Variants in ZNF69 observed in about 807,000 individuals in gnomAD.
The protein encoded by ZNF69 is ZNF3.
ZNF69 carries 47 observed loss-of-function variants against 50.9 expected under a neutral mutation model. That is an observed-to-expected ratio of 0.92 (90% confidence interval 0.73 to 1.18). The LOEUF is 1.18. ZNF69 is among the 50% of genes most tolerant of loss of function. The pLI is 0.00. For missense variants in ZNF69, 717 were observed against 675.1 expected, an observed-to-expected ratio of 1.06 and a Z score of -0.69; for synonymous variants, 216 against 223.1, an observed-to-expected ratio of 0.97 and a Z score of 0.29.
chr19:11,932,946 TA>T, the ZNF69 span, among the ~76,000 whole-genome samples: 1 of 148,584 alleles, frequency 6.7e-6, no homozygotes, highest in Admixed American at 6.6e-5. Flanking sequence ...CAATATGTGA[TA>T]TTTTATATTG....
the ZNF69 span, among the ~76,000 whole-genome samples, chr19:11,922,981 T>TA: frequency 6.6e-6 from 1 of 151,998 alleles, no homozygotes; most frequent in East Asian, 1.9e-4. Flanking sequence ...CCTGGCTAAT[T>TA]AAAAAATAGA....
chr19:11,927,272 T>C, the ZNF69 span, among the ~76,000 whole-genome samples: 12 of 152,092 alleles, frequency 7.9e-5, no homozygotes, highest in South Asian at 2.5e-3. Flanking sequence ...GAGAATCACT[T>C]GAACCCCAGA....
At chr19:11,954,887 A>C in the ZNF69 span, among the ~76,000 whole-genome samples, 5 of 152,072 alleles carry the variant, frequency 3.3e-5, no homozygotes, top group Admixed American at 6.6e-5. Context: ...TGAATTGTAA[A>C]TTGCATTTTC....
At chr19:11,951,465 G>A in the ZNF69 span, among the ~76,000 whole-genome samples, 3 of 151,954 alleles carry the variant, frequency 2.0e-5, no homozygotes, top group South Asian at 2.1e-4. Flanking sequence ...TCCGGACCTC[G>A]TGATCTGCCC....
chr19:11,893,088 GC>G (rs1345401637), intron 1 of ZNF69, among the ~76,000 whole-genome samples: 1 of 152,136 alleles, frequency 6.6e-6, no homozygotes, highest in Non-Finnish European at 1.5e-5. Context: ...GCCCACCTTG[GC>G]CTCCTGAAGT....
At chr19:11,899,212 G>T (rs1972192033) in intron 1 of ZNF69, among the ~76,000 whole-genome samples, 1 of 152,168 alleles carries the variant, frequency 6.6e-6, no homozygotes, top group African/African-American at 2.4e-5. Context: ...TGCTGTAAGT[G>T]GCCATTTCAG....
the ZNF69 span, chr19:11,977,406 T>G: frequency 5.0e-6 from 8 of 1,613,816 alleles, no homozygotes; most frequent in African/African-American, 2.7e-5. Flanking sequence ...TGAATATGAG[T>G]ACCAAAACCC....
intron 1 of ZNF69, among the ~76,000 whole-genome samples, chr19:11,900,656 C>T (rs181354908): frequency 6.6e-6 from 1 of 152,124 alleles, no homozygotes; most frequent in Non-Finnish European, 1.5e-5. Flanking sequence ...CGGCCTTTTG[C>T]TTATTTTTTG....
the ZNF69 span, among the ~76,000 whole-genome samples, chr19:11,973,375 T>C: frequency 9.2e-5 from 14 of 152,196 alleles, no homozygotes; most frequent in Non-Finnish European, 1.9e-4. Flanking sequence ...GCTTGACGAC[T>C]CATTTATTTT....
rs904792413 is a variant in ZNF69, at chr19:11,904,144, A to G, written c.251+179A>G. Among the ~76,000 whole-genome samples the G allele has an allele frequency of 1.6e-4, 25 of 152,222 alleles. 1 individual carries two copies. Among genetic ancestry groups the G allele is most frequent in the African/African-American group, 4.3e-4 (18 of 41,460 alleles). On this transcript the variant is annotated intron_variant, in intron 3 of 3. Transcript: ENST00000429654. Reference sequence around the variant, plus strand: ...CTGTGGGCTCACTCCTGTAATCCCAATCCTTTGAGAAGTGGAGATAGGAGG... The same window carrying G: ...CTGTGGGCTCACTCCTGTAATCCCAGTCCTTTGAGAAGTGGAGATAGGAGG...
chr19:11,943,913 G>A, the ZNF69 span, among the ~76,000 whole-genome samples: 1 of 152,150 alleles, frequency 6.6e-6, no homozygotes, highest in African/African-American at 2.4e-5. Context: ...GTCTTTTTCA[G>A]AGTCACTTTG....
the ZNF69 span, among the ~76,000 whole-genome samples, chr19:11,940,295 G>A: frequency 7.2e-5 from 11 of 152,176 alleles, no homozygotes; most frequent in Non-Finnish European, 1.3e-4. Context: ...TGGGTTCTTG[G>A]TGTCACTGAC....
chr19:11,945,472 G>A, the ZNF69 span, among the ~76,000 whole-genome samples: 1 of 152,166 alleles, frequency 6.6e-6, no homozygotes, highest in Non-Finnish European at 1.5e-5. Context: ...ACTGGCAAAG[G>A]ACTATAATTC....
At chr19:11,979,254 T>G in the ZNF69 span, 2 of 1,613,270 alleles carry the variant, frequency 1.2e-6, no homozygotes, top group African/African-American at 2.7e-5. Context: ...ATGAAAGGAC[T>G]CACACTGGAG....
downstream of ZNF69, among the ~76,000 whole-genome samples, chr19:11,918,108 T>TGCTTTTC (rs1233256788): frequency 6.6e-6 from 1 of 152,088 alleles, no homozygotes; most frequent in Non-Finnish European, 1.5e-5. Context: ...TTATTGACAA[T>TGCTTTTC]GCTTTTCTTG....
the ZNF69 span, among the ~76,000 whole-genome samples, chr19:11,920,314 T>C: frequency 6.6e-6 from 1 of 152,126 alleles, no homozygotes; most frequent in Non-Finnish European, 1.5e-5. Context: ...GGTTTCACCA[T>C]GTTGGCCAGG....
chr19:11,944,400 A>G, the ZNF69 span, among the ~76,000 whole-genome samples: 1 of 152,120 alleles, frequency 6.6e-6, no homozygotes, highest in African/African-American at 2.4e-5. Context: ...TTGATAGTCC[A>G]ATTCATCCAC....
the ZNF69 span, chr19:11,965,065 G>A: frequency 9.6e-7 from 1 of 1,043,064 alleles, no homozygotes; most frequent in Non-Finnish European, 1.5e-6. Context: ...TCCTTGCGCA[G>A]CCGGTGGTTG....
chr19:11,975,574 T>C, the ZNF69 span, among the ~76,000 whole-genome samples: 10 of 151,948 alleles, frequency 6.6e-5, no homozygotes, highest in African/African-American at 9.7e-5. Flanking sequence ...ATTTTTCGTA[T>C]TTTTAGTAGA....
Sources: allele counts gnomAD v4.1 joint callset (sites outside exome capture counted in the v4.1 genomes callset), GRCh38; gene constraint gnomAD v4.1.1; transcripts MANE v1.5; gene names NCBI Gene and HGNC (gene_info 2026-07-23, HGNC 2026-07-21).